Variants in OPCML observed in about 807,000 individuals in gnomAD.
The protein encoded by OPCML is opioid binding protein/cell adhesion molecule like, also known as opioid-binding protein/cell adhesion molecule.
Under a neutral mutation model 37.8 loss-of-function variants are expected in OPCML, and 13 were observed. The ratio of observed to expected loss-of-function variants is 0.34; its 90% CI spans 0.22 to 0.55. The LOEUF is 0.55. OPCML is among the 20% of genes least tolerant of loss of function. OPCML has a pLI of 0.91. For synonymous variants in OPCML, 176 were observed against 168.8 expected (o/e 1.04, Z -0.33); for missense variants, 341 against 435.6 (o/e 0.78, Z 1.93).
chr11:132,828,042 A>G (rs1250116486), intron 2 of OPCML, among the ~76,000 whole-genome samples: 1 of 152,192 alleles, frequency 6.6e-6, no homozygotes, highest in African/African-American at 2.4e-5. Context: ...CATCCAGGCA[A>G]TGGAATATTA....
chr11:132,590,170 A>T (rs1378334952), intron 3 of OPCML, among the ~76,000 whole-genome samples: 2 of 152,206 alleles, frequency 1.3e-5, no homozygotes, highest in Non-Finnish European at 1.5e-5. Context: ...CATAAACTGC[A>T]TATTCTTACT....
At chr11:133,081,887 G>A (rs1474761193) in intron 1 of OPCML, among the ~76,000 whole-genome samples, 1 of 146,014 alleles carries the variant, frequency 6.8e-6, no homozygotes. Context: ...GCCTTCAGCC[G>A]CCAGCGTGTG....
At chr11:133,246,242 G>C (rs1424443044) in intron 1 of OPCML, among the ~76,000 whole-genome samples, 2 of 152,164 alleles carry the variant, frequency 1.3e-5, no homozygotes, top group Admixed American at 1.3e-4. Flanking sequence ...CTATATAATG[G>C]ATGCCAAGTG....
At chr11:132,927,169 G>T (rs1248182995) in intron 2 of OPCML, among the ~76,000 whole-genome samples, 2 of 152,054 alleles carry the variant, frequency 1.3e-5, no homozygotes, top group African/African-American at 4.8e-5. Flanking sequence ...CAAAGTTGAA[G>T]AAAGAAATGG....
At chr11:132,706,789 T>C (rs1944050074) in intron 2 of OPCML, among the ~76,000 whole-genome samples, 1 of 152,224 alleles carries the variant, frequency 6.6e-6, no homozygotes, top group Admixed American at 6.5e-5. Context: ...CCCACATAAC[T>C]GAATGAGTTC....
At chr11:132,541,473 C>A (rs1392948439) in intron 3 of OPCML, among the ~76,000 whole-genome samples, 1 of 151,072 alleles carries the variant, frequency 6.6e-6, no homozygotes. Flanking sequence ...GTGTCTGGCA[C>A]ATAGTAAATG....
chr11:132,629,940 A>G (rs1939990122), intron 3 of OPCML, among the ~76,000 whole-genome samples: 1 of 152,230 alleles, frequency 6.6e-6, no homozygotes, highest in Non-Finnish European at 1.5e-5. Flanking sequence ...TATGTTCATA[A>G]AATAATCTAA....
At chr11:132,847,675 C>A (rs1941611696) in intron 2 of OPCML, among the ~76,000 whole-genome samples, 1 of 152,178 alleles carries the variant, frequency 6.6e-6, no homozygotes, top group South Asian at 2.1e-4. Context: ...AAAATGCTGT[C>A]TTTTGGTCAG....
At chr11:133,207,824 C>T (rs1939157479) in intron 1 of OPCML, among the ~76,000 whole-genome samples, 2 of 152,136 alleles carry the variant, frequency 1.3e-5, no homozygotes, top group African/African-American at 2.4e-5. Flanking sequence ...TATGAGAGGA[C>T]CAGACATCCC....
chr11:133,422,184 T>A (rs1945903041), intron 1 of OPCML: 1 of 982,922 alleles, frequency 1.0e-6, no homozygotes, highest in Non-Finnish European at 1.2e-6. Flanking sequence ...GTTCACTCCC[T>A]GCAAACAAAG....
intron 1 of OPCML, among the ~76,000 whole-genome samples, chr11:133,401,013 A>C (rs1276255014): frequency 6.6e-6 from 1 of 152,202 alleles, no homozygotes; most frequent in African/African-American, 2.4e-5. Flanking sequence ...AGGTTATCTC[A>C]TAAGTTTAGT....
At chr11:133,282,033 ACT>A (rs1359965117) in intron 1 of OPCML, among the ~76,000 whole-genome samples, 3 of 152,008 alleles carry the variant, frequency 2.0e-5, no homozygotes, top group Non-Finnish European at 4.4e-5. Flanking sequence ...ACAAAAAAAA[ACT>A]TAAACTAGTA....
At chr11:133,256,149 C>T (rs958215181) in intron 1 of OPCML, among the ~76,000 whole-genome samples, 33 of 152,122 alleles carry the variant, frequency 2.2e-4, no homozygotes, top group African/African-American at 5.8e-4. Context: ...TGAAGGAACT[C>T]GAGCATTGTA....
At chr11:132,683,351 G>A (rs545496192) in intron 2 of OPCML, among the ~76,000 whole-genome samples, 136 of 152,230 alleles carry the variant, frequency 8.9e-4, no homozygotes, top group Admixed American at 2.9e-3. Context: ...CTCCAGCCTG[G>A]GTGAGAGAGT....
At chr11:133,333,690 A>C (rs1398472774) in intron 1 of OPCML, among the ~76,000 whole-genome samples, 1 of 152,228 alleles carries the variant, frequency 6.6e-6, no homozygotes, top group Non-Finnish European at 1.5e-5. Flanking sequence ...AACTATCAAC[A>C]GAGTAAACAG....
intron 4 of OPCML, among the ~76,000 whole-genome samples, chr11:132,478,783 G>A (rs184915080): frequency 6.6e-5 from 10 of 152,078 alleles, no homozygotes; most frequent in African/African-American, 1.4e-4. Flanking sequence ...TTACAGTTGC[G>A]CTTATTACCC....
intron 1 of OPCML, among the ~76,000 whole-genome samples, chr11:133,215,744 G>T (rs1939557817): frequency 1.3e-5 from 2 of 152,142 alleles, no homozygotes. Flanking sequence ...CTGTACAAGT[G>T]TGGGAAGGGA....
intron 7 of OPCML, among the ~76,000 whole-genome samples, chr11:132,432,770 C>T (rs1359210046): frequency 1.3e-5 from 2 of 152,194 alleles, no homozygotes; most frequent in Admixed American, 1.3e-4. Context: ...GGAAGAAATA[C>T]TTTAAACAAA....
Position 133,230,073 on chromosome 11 carries a change from AG to A in OPCML, c.62-287064del, listed in dbSNP as rs1238714006. 3.3e-5 allele frequency among the ~76,000 whole-genome samples: 5 copies of A among 152,336 alleles called. No homozygotes were observed. The East Asian group carries it at 9.7e-4, about 29-fold the overall frequency. On this transcript the variant is annotated intron_variant, in intron 1 of 7. Transcript: ENST00000524381. ...AATGATCAATTTAAAGGATTAAAAA[AG>A]AAAAAGCTTCCCAATGCGTCCCACC...
Sources: gnomAD v4.1 joint callset for allele counts (sites outside exome capture counted in the v4.1 genomes callset) on GRCh38, gnomAD v4.1.1 for gene constraint, MANE v1.5 for transcripts, NCBI Gene and HGNC (gene_info 2026-07-23, HGNC 2026-07-21) for gene names.